Variants in LRRC37A observed in about 807,000 individuals in gnomAD.
The protein encoded by LRRC37A is leucine-rich repeat-containing protein 37A.
Under a neutral mutation model 35.4 loss-of-function variants are expected in LRRC37A, and 3 were observed. The observed-to-expected ratio is 0.08, with a 90% CI of 0.04 to 0.22. The LOEUF is 0.22. Ranked by LOEUF, LRRC37A falls within the 10% of genes least tolerant of loss-of-function variation. The probability of loss-of-function intolerance (pLI) is 1.00; values close to 1 mark genes in which losing one functional copy is unlikely to be tolerated. For missense variants in LRRC37A, 67 were observed against 565.3 expected, an observed-to-expected ratio of 0.12 and a Z score of 8.94; for synonymous variants, 23 against 215.0, an observed-to-expected ratio of 0.11 and a Z score of 7.81.
At chr17:46,285,786 T>C in the LRRC37A span, among the ~76,000 whole-genome samples, 27 of 152,334 alleles carry the variant, frequency 1.8e-4, no homozygotes, top group East Asian at 5.0e-3. Context: ...AAATAATCAC[T>C]CTAAGATTGG....
chr17:46,288,680 G>A (rs1362335752), upstream of LRRC37A, among the ~76,000 whole-genome samples: 4 of 151,648 alleles, frequency 2.6e-5, no homozygotes, highest in East Asian at 1.9e-4. Flanking sequence ...GGTTTTGGTC[G>A]GCTTCTTTAC....
the LRRC37A span, among the ~76,000 whole-genome samples, chr17:46,256,478 G>A: frequency 6.6e-6 from 1 of 152,114 alleles, no homozygotes; most frequent in Admixed American, 6.6e-5. Context: ...TGGCAAGAAG[G>A]CAGCCATCTG....
chr17:46,307,920 G>A (rs2050623415), intron 5 of LRRC37A, among the ~76,000 whole-genome samples: 1 of 76,218 alleles, frequency 1.3e-5, no homozygotes, highest in African/African-American at 3.3e-5. Flanking sequence ...GCTGAGGCAG[G>A]AGAATCACTT....
the LRRC37A span, among the ~76,000 whole-genome samples, chr17:46,275,896 T>TG: frequency 6.7e-6 from 1 of 149,960 alleles, no homozygotes; most frequent in Non-Finnish European, 1.5e-5. Flanking sequence ...TATTCACAAT[T>TG]TTTTTTTTTT....
chr17:46,291,982 A>AC (rs1291325451), upstream of LRRC37A, among the ~76,000 whole-genome samples: 4 of 124,498 alleles, frequency 3.2e-5, no homozygotes, highest in East Asian at 2.2e-4. Context: ...AAAAAAAAAA[A>AC]AAAAAGCCAA....
chr17:46,269,111 AAC>A, the LRRC37A span, among the ~76,000 whole-genome samples: 17,089 of 149,638 alleles, frequency 0.11, no homozygotes, highest in Non-Finnish European at 0.17. Flanking sequence ...TTATATTCAA[AAC>A]TTATATGTGA....
the LRRC37A span, among the ~76,000 whole-genome samples, chr17:46,271,826 A>G: frequency 1.3e-5 from 2 of 152,218 alleles, no homozygotes; most frequent in African/African-American, 2.4e-5. Flanking sequence ...CAGTGGCACA[A>G]TCTCAGCTCA....
chr17:46,285,482 T>C, the LRRC37A span, among the ~76,000 whole-genome samples: 5 of 152,056 alleles, frequency 3.3e-5, no homozygotes, highest in African/African-American at 1.2e-4. Context: ...CCTCATGATT[T>C]GCCCACCTCA....
the LRRC37A span, among the ~76,000 whole-genome samples, chr17:46,262,359 C>CTCT: frequency 0.18 from 26,420 of 149,068 alleles, 2,898 homozygotes; most frequent in East Asian, 0.4. Flanking sequence ...CTCCCTTCCC[C>CTCT]TCTTCTTCTT....
At chr17:46,284,873 T>TC in the LRRC37A span, among the ~76,000 whole-genome samples, 3 of 152,180 alleles carry the variant, frequency 2.0e-5, no homozygotes, top group African/African-American at 7.2e-5. Context: ...TCCTTTTATT[T>TC]CCCCCCATTG....
upstream of LRRC37A, among the ~76,000 whole-genome samples, chr17:46,288,390 C>T (rs896410170): frequency 6.7e-6 from 1 of 149,510 alleles, no homozygotes; most frequent in Non-Finnish European, 1.5e-5. Context: ...CTCACTGCAA[C>T]CTCTGTCTCC....
the LRRC37A span, among the ~76,000 whole-genome samples, chr17:46,259,019 A>ATTTTTTTTTTTTTTTTTTTT: frequency 1.4e-4 from 11 of 79,450 alleles, 1 homozygote; most frequent in Admixed American, 5.5e-4. Context: ...CACCCGGCCT[A>ATTTTTTTTTTTTTTTTTTTT]TTTTTTTTTT....
chr17:46,267,469 A>G, the LRRC37A span: 1 of 1,612,634 alleles, frequency 6.2e-7, no homozygotes, highest in South Asian at 1.1e-5. Context: ...TCCACATGTT[A>G]GTCCTGGACT....
At chr17:46,336,241 CT>C in intron 11 of LRRC37A, among the ~76,000 whole-genome samples, 1 of 28,858 alleles carries the variant, frequency 3.5e-5, no homozygotes, top group African/African-American at 5.5e-5. Flanking sequence ...ATTTTCTCAT[CT>C]TACTGGTTTT....
chr17:46,260,938 T>G, the LRRC37A span, among the ~76,000 whole-genome samples: 2 of 152,210 alleles, frequency 1.3e-5, no homozygotes, highest in African/African-American at 4.8e-5. Context: ...AGACTATTAT[T>G]CTCAGCGAAG....
the LRRC37A span, among the ~76,000 whole-genome samples, chr17:46,279,957 G>C: frequency 6.6e-6 from 1 of 152,202 alleles, no homozygotes; most frequent in Non-Finnish European, 1.5e-5. Context: ...CCTCTGGGGA[G>C]TGCTCCATTC....
the LRRC37A span, among the ~76,000 whole-genome samples, chr17:46,254,827 C>CG: frequency 6.6e-6 from 1 of 151,616 alleles, no homozygotes; most frequent in Non-Finnish European, 1.5e-5. Flanking sequence ...CATAAGCCAC[C>CG]GCGCCTGTTT....
the LRRC37A span, among the ~76,000 whole-genome samples, chr17:46,277,419 C>A: frequency 6.6e-6 from 1 of 152,198 alleles, no homozygotes; most frequent in Admixed American, 6.5e-5. Context: ...CCCTTGGCTT[C>A]TACCTCACAG....
chr17:46,266,249 A>ACTCAGTCC, the LRRC37A span, among the ~76,000 whole-genome samples: 1 of 151,934 alleles, frequency 6.6e-6, no homozygotes, highest in Non-Finnish European at 1.5e-5. Flanking sequence ...TTTCTCCCCC[A>ACTCAGTCC]CTCAGTCCCT....
Sources: gnomAD v4.1 joint callset for allele counts (sites outside exome capture counted in the v4.1 genomes callset) on GRCh38, gnomAD v4.1.1 for gene constraint, MANE v1.5 for transcripts, NCBI Gene and HGNC (gene_info 2026-07-23, HGNC 2026-07-21) for gene names.